ADAM10: variants seen among roughly 807,000 people sequenced by gnomAD.
ADAM10 encodes the protein ADAM metallopeptidase domain 10.
In ADAM10, 17 loss-of-function variants were observed where a neutral mutation model predicts 90.1. That is an observed-to-expected ratio of 0.19 (90% CI 0.13 to 0.28). The LOEUF (loss-of-function observed/expected upper bound fraction) is 0.28. Ranked by LOEUF, ADAM10 falls within the 10% of genes least tolerant of loss-of-function variation. The pLI is 1.00. For synonymous variants in ADAM10, 310 were observed against 298.6 expected, an observed-to-expected ratio of 1.04 and a Z score of -0.40; for missense variants, 610 against 914.3, an observed-to-expected ratio of 0.67 and a Z score of 4.29.
intron 5 of ADAM10, chr15:58,655,229 T>A (rs1771652650): frequency 6.6e-6 from 1 of 152,208 alleles, no homozygotes; most frequent in African/African-American, 2.4e-5. Flanking sequence ...TATAAAGAAA[T>A]AACTGAGACT....
chr15:58,627,858 G>T lies in ADAM10; in HGVS notation c.1202C>A (p.Pro401Gln). The change falls in exon 10 of 16, where the codon CCA (proline) becomes CAA (glutamine). Residue 401 changes from proline (P) to glutamine (Q), a missense_variant. Around this residue, in one of 4 missense-constraint regions of ADAM10, gnomAD observed 97 missense variants for 221.4 expected, o/e 0.44. Transcript: ENST00000260408. ...SPHDSGTECTPGESKNLGQKE... is the reference protein window; with the variant it reads ...SPHDSGTECTQGESKNLGQKE... ...TTGACCCAAATTCTTAGATTCTCCTGGTGTGCACTCTGTTCCAGAATCATG... is the reference window on the plus strand; with the variant it reads ...TTGACCCAAATTCTTAGATTCTCCTTGTGTGCACTCTGTTCCAGAATCATG... 6.2e-7 allele frequency: 1 copy of T among 1,613,380 alleles called. No homozygotes were observed.
intron 5 of ADAM10, among the ~76,000 whole-genome samples, chr15:58,647,248 A>ATTTCTTTTTTTTTTTTTTTTTTTTT (rs1162350060): frequency 1.7e-4 from 10 of 59,602 alleles, no homozygotes; most frequent in African/African-American, 4.8e-4. Flanking sequence ...GACACTAAGT[A>ATTTCTTTTTTTTTTTTTTTTTTTTT]TTTTTTTTTT....
intron 5 of ADAM10, among the ~76,000 whole-genome samples, chr15:58,653,600 G>C (rs1414137451): frequency 6.6e-6 from 1 of 152,108 alleles, no homozygotes; most frequent in Non-Finnish European, 1.5e-5. Flanking sequence ...TTAATGAATT[G>C]CTAAATTCAG....
intron 1 of ADAM10, among the ~76,000 whole-genome samples, chr15:58,744,929 T>C (rs1209673507): frequency 2.0e-5 from 3 of 152,190 alleles, no homozygotes; most frequent in African/African-American, 7.2e-5. Context: ...ATGCATGTAA[T>C]CCCAGCACTT....
chr15:58,695,903 G>C (rs910766570), intron 2 of ADAM10, among the ~76,000 whole-genome samples: 2 of 152,086 alleles, frequency 1.3e-5, no homozygotes, highest in Admixed American at 6.6e-5. Context: ...GATCACCGGA[G>C]GTCAGGAGTT....
Position 58,627,824 on chromosome 15 carries a change from A to G in ADAM10, c.1236T>C (p.Asn412=). 2.5e-6 allele frequency: 4 copies of G among 1,613,722 alleles called. No homozygotes were observed. The highest frequency in any genetic ancestry group is 2.5e-6 in the Non-Finnish European group (3 of 1,179,796). The change falls in exon 10 of 16, where the codon AAT becomes AAC. Residue 412 remains asparagine, a synonymous_variant. Coordinates refer to ENST00000260408, the MANE Select transcript of ADAM10 (RefSeq NM_001110.4). ...CTCTTGCATACATGATGTAATTGCC[A>G]TTTTCTTTTTGACCCAAATTCTTAG... ...GESKNLGQKE[N]GNYIMYARAT...
chr15:58,655,702 A>AT (rs1896798284), intron 5 of ADAM10, among the ~76,000 whole-genome samples: 8 of 53,808 alleles, frequency 1.5e-4, no homozygotes, highest in African/African-American at 9.4e-4. Context: ...TATAGTATAT[A>AT]TATATATAGT....
intron 1 of ADAM10, among the ~76,000 whole-genome samples, chr15:58,746,412 G>A (rs965402062): frequency 1.3e-5 from 2 of 152,142 alleles, no homozygotes; most frequent in Non-Finnish European, 2.9e-5. Flanking sequence ...TGCTGGGAGA[G>A]GCTGTACACA....
Position 58,589,669 on chromosome 15 carries a change from T to G in ADAM10, c.*7878A>C, listed in dbSNP as rs566187637. ...AGTGTAAATGATTCTCTCGAAAGTT[T>G]GGCTTAGATGAGGCAGGATTATATT... On this transcript the variant is annotated 3_prime_UTR_variant, in exon 16 of 16. Transcript: ENST00000260408. The G allele has an allele frequency of 6.6e-6, 1 of 152,376 alleles. No individual in the cohort carries two copies. Among genetic ancestry groups the G allele is most frequent in the African/African-American group, 2.4e-5 (1 of 41,582 alleles). 9.4% of individuals were successfully genotyped at this position (152,376 alleles called of 1,614,324 possible).
At chr15:58,659,539 G>A (rs1411145337) in intron 5 of ADAM10, among the ~76,000 whole-genome samples, 6 of 151,936 alleles carry the variant, frequency 3.9e-5, no homozygotes, top group African/African-American at 1.5e-4. Context: ...AATCAATTTT[G>A]CATTTCTGGT....
intron 1 of ADAM10, among the ~76,000 whole-genome samples, chr15:58,729,757 A>C (rs1410533945): frequency 6.6e-6 from 1 of 152,198 alleles, no homozygotes; most frequent in African/African-American, 2.4e-5. Context: ...TGAGGTCAGG[A>C]GTTTGAGACA....
At position 58,672,786 on chromosome 15, in the gene ADAM10, C is replaced by CAAAAAAAAAAAAAAAAAAAAAAA. The variant is rs58659295; in HGVS notation, c.484+6315_484+6337dup. On this transcript the variant is annotated intron_variant, in intron 4 of 15. Coordinates refer to ENST00000260408, the MANE Select transcript of ADAM10 (RefSeq NM_001110.4). ...TGAGCTAAAGGAAGGCCTCATGCAG[C>CAAAAAAAAAAAAAAAAAAAAAAA]AAAAAAAAAAAAAAAAAAAAAAAAG... 2.5e-4 allele frequency: 15 copies of CAAAAAAAAAAAAAAAAAAAAAAA among 60,830 alleles called. 1 individual carries two copies. The highest frequency in any genetic ancestry group is 9.0e-4 in the African/African-American group (15 of 16,674). The allele number at this position is 60,830 out of a possible 1,614,324, so 3.8% of individuals were successfully genotyped here. A position where few individuals can be genotyped will look rare whatever the true frequency, so the allele number is the denominator to read the frequency against.
chr15:58,685,931 C>T (rs1172974007), intron 2 of ADAM10, among the ~76,000 whole-genome samples: 2 of 152,102 alleles, frequency 1.3e-5, no homozygotes, highest in Non-Finnish European at 2.9e-5. Context: ...AGTTTTGTTG[C>T]CACAATGGTG....
intron 4 of ADAM10, chr15:58,672,293 T>C (rs1173498461): frequency 6.5e-6 from 1 of 153,508 alleles, no homozygotes; most frequent in Non-Finnish European, 1.5e-5. Context: ...GAAAAATAAC[T>C]AAACTTGGTA....
At chr15:58,611,765 G>A (rs1241563260) in intron 12 of ADAM10, 43 bp downstream of exon 12, 4 of 1,588,422 alleles carry the variant, frequency 2.5e-6, no homozygotes, top group East Asian at 2.2e-5. Flanking sequence ...TGAAAAACAA[G>A]TTTTCTAAAA....
chr15:58,642,756 C>A (rs1896450076), intron 7 of ADAM10, among the ~76,000 whole-genome samples: 1 of 152,172 alleles, frequency 6.6e-6, no homozygotes, highest in Non-Finnish European at 1.5e-5. Context: ...GCCTACTAAA[C>A]AGCAACACTT....
chr15:58,636,845 T>C (rs1348923562), intron 8 of ADAM10, among the ~76,000 whole-genome samples: 1 of 152,166 alleles, frequency 6.6e-6, no homozygotes, highest in Non-Finnish European at 1.5e-5. Context: ...GATCATACAA[T>C]ATTAATGTAA....
intron 1 of ADAM10, among the ~76,000 whole-genome samples, chr15:58,736,409 T>A (rs1436241619): frequency 6.6e-6 from 1 of 151,774 alleles, no homozygotes; most frequent in Non-Finnish European, 1.5e-5. Flanking sequence ...CCATGGGAAA[T>A]CTGAAAAGCA....
intron 7 of ADAM10, among the ~76,000 whole-genome samples, chr15:58,641,424 CTG>C (rs1328008046): frequency 3.9e-5 from 6 of 152,194 alleles, no homozygotes; most frequent in African/African-American, 1.4e-4. Flanking sequence ...AAACCCAAGA[CTG>C]TCAGTTCAGC....
Sources: allele counts gnomAD v4.1 joint callset (sites outside exome capture counted in the v4.1 genomes callset), GRCh38; gene constraint gnomAD v4.1.1; regional missense constraint gnomAD v4.1.1; transcripts MANE v1.5; gene names NCBI Gene and HGNC (gene_info 2026-07-23, HGNC 2026-07-21).